FAM151B: variants seen among roughly 807,000 people sequenced by gnomAD.
FAM151B encodes protein FAM151B.
A neutral mutation model predicts 31.2 loss-of-function variants in FAM151B; 24 were observed. The ratio of observed to expected loss-of-function variants is 0.77; its 90% confidence interval spans 0.56 to 1.08. FAM151B has a LOEUF of 1.08. Among genes scored for constraint, FAM151B ranks in the 50% least tolerant of loss-of-function variants. The pLI, the probability that FAM151B is intolerant of heterozygous loss-of-function variation, is 0.00. For synonymous variants in FAM151B, 105 were observed against 111.4 expected, an observed-to-expected ratio of 0.94 and a Z score of 0.36; for missense variants, 293 against 328.6, an observed-to-expected ratio of 0.89 and a Z score of 0.84.
At chr5:80,536,875 G>A (rs1337442625) in intron 5 of FAM151B, among the ~76,000 whole-genome samples, 2 of 152,146 alleles carry the variant, frequency 1.3e-5, no homozygotes, top group Non-Finnish European at 2.9e-5. Flanking sequence ...GAGATAGAGA[G>A]GAGGGTGGTT....
chr5:80,515,118 G>C (rs1043524874), intron 3 of FAM151B, among the ~76,000 whole-genome samples: 2 of 151,962 alleles, frequency 1.3e-5, no homozygotes, highest in African/African-American at 4.8e-5. Context: ...GTGCGCACCT[G>C]TAATTCAGCT....
intron 3 of FAM151B, among the ~76,000 whole-genome samples, 169 bp from the exon 4 acceptor site, chr5:80,519,524 G>A (rs1744606609): frequency 6.6e-6 from 1 of 152,086 alleles, no homozygotes. Context: ...TAGAGATATG[G>A]CATATGTTAG....
At chr5:80,538,448 C>CTTTCTCTTTCTTTGTTTCTT (rs1235874356) in intron 5 of FAM151B, among the ~76,000 whole-genome samples, 5 of 49,360 alleles carry the variant, frequency 1.0e-4, no homozygotes, top group African/African-American at 2.9e-4. Flanking sequence ...TTCTTTCTTT[C>CTTTCTCTTTCTTTGTTTCTT]TCTTTCTTTC....
At chr5:80,491,632 C>T (rs548599954) in intron 1 of FAM151B, among the ~76,000 whole-genome samples, 1 of 152,294 alleles carries the variant, frequency 6.6e-6, no homozygotes, top group Admixed American at 6.5e-5. Context: ...CATCCAATTG[C>T]CCTGGCTGCA....
chr5:80,513,643 G>C lies in FAM151B; in HGVS notation c.191G>C (p.Ser64Thr), dbSNP rs1170032810. ...HMIEADVLLP[S>T]DGSEHSQPIM... ...ATAGAGGCTGATGTCCTTCTTCCAAGTGATGGATCAGAACACAGCCAGCCA... is the reference window on the plus strand; with the variant it reads ...ATAGAGGCTGATGTCCTTCTTCCAACTGATGGATCAGAACACAGCCAGCCA... The change falls in exon 3 of 6, where the codon AGT becomes ACT. Residue 64 changes from serine (S) to threonine (T), a missense_variant. By Grantham distance (58) the Ser-to-Thr change is moderately conservative. Coordinates refer to ENST00000282226, the MANE Select transcript of FAM151B (RefSeq NM_205548.3). 6.2e-7 allele frequency: 1 copy of C among 1,613,904 alleles called. No homozygotes were observed. The highest frequency in any genetic ancestry group is 8.5e-7 in the Non-Finnish European group (1 of 1,180,006).
intron 2 of FAM151B, among the ~76,000 whole-genome samples, chr5:80,507,984 A>G (rs1259344746): frequency 6.6e-6 from 1 of 152,146 alleles, no homozygotes; most frequent in Non-Finnish European, 1.5e-5. Context: ...CACTTCCTCA[A>G]AAAGACTTTT....
At chr5:80,506,174 G>A (rs1223067145) in intron 2 of FAM151B, 8 of 937,658 alleles carry the variant, frequency 8.5e-6, no homozygotes, top group Non-Finnish European at 1.0e-5. Context: ...AAGTTTTCCT[G>A]ATGATTCATA....
At chr5:80,504,868 C>T (rs1743892345) in intron 2 of FAM151B, among the ~76,000 whole-genome samples, 1 of 152,120 alleles carries the variant, frequency 6.6e-6, no homozygotes, top group South Asian at 2.1e-4. Context: ...GACCTACAAC[C>T]CCCTTCCCCA....
At chr5:80,500,973 G>A (rs1743718749) in intron 1 of FAM151B, 3 of 672,680 alleles carry the variant, frequency 4.5e-6, no homozygotes, top group South Asian at 1.6e-5. Flanking sequence ...AATTATCTTC[G>A]CCATGAGGCG....
intron 5 of FAM151B, among the ~76,000 whole-genome samples, chr5:80,537,038 A>G (rs190203833): frequency 1.1e-3 from 163 of 152,364 alleles, no homozygotes; most frequent in Admixed American, 2.7e-3. Flanking sequence ...CTAAAAGGGT[A>G]TAATTGAATT....
intron 5 of FAM151B, among the ~76,000 whole-genome samples, chr5:80,526,434 C>T (rs1362585199): frequency 6.8e-6 from 1 of 146,160 alleles, no homozygotes; most frequent in Admixed American, 6.9e-5. Flanking sequence ...CATGGTGAAA[C>T]ACCATCTCTA....
At chr5:80,511,872 G>A (rs755777088) in intron 2 of FAM151B, among the ~76,000 whole-genome samples, 6 of 152,160 alleles carry the variant, frequency 3.9e-5, no homozygotes, top group Admixed American at 6.5e-5. Flanking sequence ...CTCCCAAAGT[G>A]CTAGGATTAT....
At chr5:80,499,743 A>G (rs1226358096) in intron 1 of FAM151B, 1 of 151,496 alleles carries the variant, frequency 6.6e-6, no homozygotes, top group Non-Finnish European at 1.5e-5. Flanking sequence ...GTTTATATAT[A>G]TTATATACTT....
chr5:80,523,999 A>G (rs1221852993), intron 5 of FAM151B, among the ~76,000 whole-genome samples: 1 of 152,140 alleles, frequency 6.6e-6, no homozygotes, highest in Non-Finnish European at 1.5e-5. Context: ...GTTTGTTTTC[A>G]TTAGTGTCAG....
intron 2 of FAM151B, among the ~76,000 whole-genome samples, chr5:80,512,166 T>C (rs893074683): frequency 3.3e-5 from 5 of 152,200 alleles, no homozygotes; most frequent in Non-Finnish European, 5.9e-5. Context: ...TTTGTACATC[T>C]GCATTTGTGA....
intron 2 of FAM151B, among the ~76,000 whole-genome samples, chr5:80,505,002 C>T (rs780728601): frequency 7.9e-5 from 12 of 152,298 alleles, no homozygotes; most frequent in Non-Finnish European, 1.6e-4. Context: ...TCTGCCCTCC[C>T]CCTGGCGAGA....
chr5:80,513,691 C>T lies in FAM151B; in HGVS notation c.239C>T (p.Thr80Ile), dbSNP rs749591608. 6.2e-7 allele frequency: 1 copy of T among 1,614,070 alleles called. No individual in the cohort carries two copies. The highest frequency in any genetic ancestry group is 1.1e-5 in the South Asian group (1 of 91,088). ...CCAATTATGGCCCATCCCCCTGAAA[C>T]AAACAGTGATAATACTCTACAGGAG... ...SQPIMAHPPETNSDNTLQEWL... is the reference protein window; with the variant it reads ...SQPIMAHPPEINSDNTLQEWL... Residue 80 changes from threonine (T) to isoleucine (I), a missense_variant, in exon 3 of 6, where the codon ACA becomes ATA. Transcript: ENST00000282226.
chr5:80,520,070 C>G (rs933875132), intron 4 of FAM151B, among the ~76,000 whole-genome samples, 160 bp downstream of exon 4: 2 of 152,182 alleles, frequency 1.3e-5, no homozygotes, highest in African/African-American at 4.8e-5. Flanking sequence ...TCCATCTGCT[C>G]TTTCAGATAG....
At chr5:80,502,588 A>T (rs999274865) in intron 2 of FAM151B, among the ~76,000 whole-genome samples, 1 of 152,252 alleles carries the variant, frequency 6.6e-6, no homozygotes, top group African/African-American at 2.4e-5. Flanking sequence ...ACAGATGAAC[A>T]TTATAGCAGT....
Sources: allele counts gnomAD v4.1 joint callset (sites outside exome capture counted in the v4.1 genomes callset), GRCh38; gene constraint gnomAD v4.1.1; transcripts MANE v1.5; gene names NCBI Gene and HGNC (gene_info 2026-07-23, HGNC 2026-07-21).